Variants in CLYBL observed in about 807,000 individuals in gnomAD.
The protein encoded by CLYBL is citramalyl-CoA lyase, mitochondrial.
In CLYBL, 31 loss-of-function variants were observed where a neutral mutation model predicts 38.9. That is an observed-to-expected ratio of 0.80 (90% CI 0.60 to 1.08). The LOEUF (loss-of-function observed/expected upper bound fraction) is 1.08, where lower values mean the gene tolerates loss of function less well. Ranked by LOEUF, CLYBL falls within the 50% of genes least tolerant of loss-of-function variation. The pLI is 0.00. For synonymous variants in CLYBL, 171 were observed against 158.6 expected, an observed-to-expected ratio of 1.08 and a Z score of -0.59; for missense variants, 434 against 411.6, an observed-to-expected ratio of 1.05 and a Z score of -0.47.
intron 1 of CLYBL, among the ~76,000 whole-genome samples, chr13:99,708,840 TC>T (rs767719260): frequency 2.6e-5 from 4 of 152,100 alleles, no homozygotes; most frequent in Non-Finnish European, 5.9e-5. Context: ...ACACCTGTAA[TC>T]CCAACAACTT....
At chr13:99,676,371 G>T (rs140233413) in intron 1 of CLYBL, among the ~76,000 whole-genome samples, 12 of 148,262 alleles carry the variant, frequency 8.1e-5, no homozygotes, top group African/African-American at 2.7e-4. Flanking sequence ...GTGCAATGGC[G>T]CAATCTCGGC....
At chr13:99,838,015 C>A (rs890208772) in intron 2 of CLYBL, among the ~76,000 whole-genome samples, 21 of 152,202 alleles carry the variant, frequency 1.4e-4, no homozygotes, top group African/African-American at 5.1e-4. Flanking sequence ...CTCAAAATCC[C>A]AATGCTTTTA....
chr13:99,690,632 G>A (rs1034542905), intron 1 of CLYBL: 3 of 152,138 alleles, frequency 2.0e-5, no homozygotes, highest in African/African-American at 4.8e-5. Context: ...CTGCCCTTCC[G>A]AGGATGCTGG....
intron 7 of CLYBL, among the ~76,000 whole-genome samples, chr13:99,888,462 C>T (rs1312945364): frequency 6.6e-6 from 1 of 152,020 alleles, no homozygotes; most frequent in Non-Finnish European, 1.5e-5. Flanking sequence ...AAAAATTTAA[C>T]CATGAGGCCA....
intron 7 of CLYBL, among the ~76,000 whole-genome samples, chr13:99,875,997 C>T (rs1006678879): frequency 8.8e-5 from 13 of 148,108 alleles, no homozygotes; most frequent in African/African-American, 2.5e-4. Context: ...CACAAAATTG[C>T]GAAATTTTAA....
intron 1 of CLYBL, among the ~76,000 whole-genome samples, chr13:99,726,033 C>T (rs1049217220): frequency 6.6e-6 from 1 of 151,958 alleles, no homozygotes; most frequent in Non-Finnish European, 1.5e-5. Context: ...TGAATGTATA[C>T]ATCTAATATG....
intron 2 of CLYBL, among the ~76,000 whole-genome samples, chr13:99,847,819 T>C (rs2051242248): frequency 6.6e-6 from 1 of 152,218 alleles, no homozygotes; most frequent in Admixed American, 6.5e-5. Context: ...GCAGGGCAGC[T>C]TCTCAGAGAT....
At chr13:99,613,891 T>G (rs562119961) in intron 1 of CLYBL, among the ~76,000 whole-genome samples, 15 of 152,152 alleles carry the variant, frequency 9.9e-5, no homozygotes, top group Non-Finnish European at 1.9e-4. Flanking sequence ...AAAAATGATA[T>G]TTTGGATTGT....
intron 1 of CLYBL, among the ~76,000 whole-genome samples, chr13:99,621,299 T>C (rs1175943213): frequency 6.6e-6 from 1 of 151,432 alleles, no homozygotes; most frequent in Non-Finnish European, 1.5e-5. Flanking sequence ...TCTTTCCATT[T>C]CCCCCCAGGC....
At chr13:99,774,362 C>T (rs1026457986) in intron 2 of CLYBL, among the ~76,000 whole-genome samples, 1 of 152,148 alleles carries the variant, frequency 6.6e-6, no homozygotes, top group African/African-American at 2.4e-5. Flanking sequence ...TTCTAATGAA[C>T]ATGGATTCAT....
intron 2 of CLYBL, among the ~76,000 whole-genome samples, chr13:99,803,230 AT>A (rs1407871526): frequency 6.6e-6 from 1 of 152,242 alleles, no homozygotes; most frequent in Non-Finnish European, 1.5e-5. Context: ...AGAGAAGGCC[AT>A]GGCAAATCAG....
At chr13:99,698,624 A>G (rs1054492101) in intron 1 of CLYBL, among the ~76,000 whole-genome samples, 1 of 152,180 alleles carries the variant, frequency 6.6e-6, no homozygotes, top group Admixed American at 6.5e-5. Flanking sequence ...TGACAAGGGA[A>G]ATATTTTTTG....
At chr13:99,795,095 C>T (rs1163320528) in intron 2 of CLYBL, among the ~76,000 whole-genome samples, 1 of 152,126 alleles carries the variant, frequency 6.6e-6, no homozygotes, top group African/African-American at 2.4e-5. Flanking sequence ...TTGCTGATAA[C>T]AGAGGAGGAA....
At chr13:99,711,699 C>T (rs893260626) in intron 1 of CLYBL, among the ~76,000 whole-genome samples, 8 of 149,690 alleles carry the variant, frequency 5.3e-5, no homozygotes, top group African/African-American at 1.5e-4. Context: ...AGCCACCGCA[C>T]GCAGCTTTTT....
chr13:99,823,968 CT>C (rs1306118006), intron 2 of CLYBL, among the ~76,000 whole-genome samples: 1 of 152,040 alleles, frequency 6.6e-6, no homozygotes, highest in Non-Finnish European at 1.5e-5. Context: ...CTTTTTCTTT[CT>C]TGGTTTATTC....
intron 1 of CLYBL, among the ~76,000 whole-genome samples, chr13:99,651,670 G>A (rs189216446): frequency 2.0e-5 from 3 of 152,294 alleles, no homozygotes; most frequent in East Asian, 1.9e-4. Context: ...AGTGGCTCAC[G>A]CCTGTAATCC....
At chr13:99,745,797 T>G (rs934694496) in intron 1 of CLYBL, among the ~76,000 whole-genome samples, 1 of 152,174 alleles carries the variant, frequency 6.6e-6, no homozygotes, top group Non-Finnish European at 1.5e-5. Context: ...CTGTGTTTTT[T>G]TCTAAAAATT....
At chr13:99,901,649 T>G (rs1397091275), downstream of CLYBL, among the ~76,000 whole-genome samples, 474 of 124,904 alleles carry the variant, frequency 3.8e-3, 2 homozygotes, top group African/African-American at 0.015. Flanking sequence ...TTTTTTGTTT[T>G]TTTTTTTTGT....
At chr13:99,874,982 T>C (rs1157688010) in intron 7 of CLYBL, among the ~76,000 whole-genome samples, 2 of 152,260 alleles carry the variant, frequency 1.3e-5, no homozygotes, top group African/African-American at 4.8e-5. Flanking sequence ...GCTACAAATA[T>C]GGCTTTGCTT....
Sources: allele counts gnomAD v4.1 joint callset (sites outside exome capture counted in the v4.1 genomes callset), GRCh38; gene constraint gnomAD v4.1.1; transcripts MANE v1.5; gene names NCBI Gene and HGNC (gene_info 2026-07-23, HGNC 2026-07-21).